The following CCSER1 variants were observed in gnomAD, a reference collection of about 807,000 sequenced individuals.
The protein encoded by CCSER1 is serine-rich coiled-coil domain-containing protein 1.
CCSER1 carries 41 observed loss-of-function variants against 82.0 expected under a neutral mutation model. The ratio of observed to expected loss-of-function variants is 0.50; its 90% CI spans 0.39 to 0.65. The LOEUF is 0.65. Ranked by LOEUF, CCSER1 falls within the 30% of genes least tolerant of loss-of-function variation. The probability of loss-of-function intolerance (pLI) is 0.00; values close to 1 mark genes in which losing one functional copy is unlikely to be tolerated. For synonymous variants in CCSER1, 414 were observed against 383.9 expected (o/e 1.08, Z -0.92); for missense variants, 1,119 against 1,064.2 (o/e 1.05, Z -0.72).
chr4:91,208,346 T>C (rs879592409), intron 10 of CCSER1, among the ~76,000 whole-genome samples: 2 of 151,944 alleles, frequency 1.3e-5, no homozygotes, highest in African/African-American at 2.4e-5. Flanking sequence ...TCTTCCAGGG[T>C]TTTTATACTT....
At chr4:91,254,153 C>A (rs1374229924) in intron 10 of CCSER1, among the ~76,000 whole-genome samples, 5 of 152,090 alleles carry the variant, frequency 3.3e-5, no homozygotes, top group Non-Finnish European at 7.4e-5. Context: ...AAGGATAGAA[C>A]AACCAAACAG....
At chr4:90,320,700 C>T (rs901701567) in intron 3 of CCSER1, among the ~76,000 whole-genome samples, 15 of 152,020 alleles carry the variant, frequency 9.9e-5, no homozygotes, top group African/African-American at 3.4e-4. Flanking sequence ...TTCAGAGTTG[C>T]CTTTAGAAGC....
At chr4:91,437,015 T>C (rs1026672678) in intron 10 of CCSER1, among the ~76,000 whole-genome samples, 2 of 152,222 alleles carry the variant, frequency 1.3e-5, no homozygotes, top group African/African-American at 4.8e-5. Flanking sequence ...GCTGAGATCA[T>C]ATTTGCCTGC....
At chr4:90,779,591 C>T (rs766857090) in intron 7 of CCSER1, among the ~76,000 whole-genome samples, 18 of 152,214 alleles carry the variant, frequency 1.2e-4, no homozygotes, top group Non-Finnish European at 2.2e-4. Context: ...TCACACCAGA[C>T]GTTCCTCATG....
At chr4:90,586,908 C>G (rs972489283) in intron 5 of CCSER1, among the ~76,000 whole-genome samples, 1 of 152,156 alleles carries the variant, frequency 6.6e-6, no homozygotes, top group African/African-American at 2.4e-5. Context: ...CCATCCATGG[C>G]AAAAGAGATT....
At chr4:90,285,336 A>G (rs186751084) in intron 1 of CCSER1, among the ~76,000 whole-genome samples, 2 of 152,118 alleles carry the variant, frequency 1.3e-5, no homozygotes, top group Admixed American at 1.3e-4. Context: ...AATGTTTTAT[A>G]GTTTCCATTG....
At chr4:90,632,456 G>A (rs975276217) in intron 6 of CCSER1, among the ~76,000 whole-genome samples, 1 of 151,690 alleles carries the variant, frequency 6.6e-6, no homozygotes, top group Non-Finnish European at 1.5e-5. Flanking sequence ...GATTATATAT[G>A]TTATGCTATT....
At chr4:90,965,634 A>T (rs564414136) in intron 9 of CCSER1, among the ~76,000 whole-genome samples, 2 of 152,156 alleles carry the variant, frequency 1.3e-5, no homozygotes, top group Admixed American at 1.3e-4. Flanking sequence ...ACTTTTCAGA[A>T]TATTTCATTA....
intron 5 of CCSER1, among the ~76,000 whole-genome samples, chr4:90,548,999 T>C (rs1015952852): frequency 2.0e-5 from 3 of 152,054 alleles, no homozygotes; most frequent in African/African-American, 7.2e-5. Flanking sequence ...CCATGCTGGA[T>C]TGAATAACAA....
At chr4:90,153,761 C>A (rs1727400101) in intron 1 of CCSER1, among the ~76,000 whole-genome samples, 1 of 152,054 alleles carries the variant, frequency 6.6e-6, no homozygotes, top group African/African-American at 2.4e-5. Context: ...TGTTTGAGTT[C>A]ATTGTAGATT....
chr4:90,503,518 C>T (rs940151304), intron 5 of CCSER1, among the ~76,000 whole-genome samples: 27 of 152,040 alleles, frequency 1.8e-4, no homozygotes, highest in African/African-American at 6.5e-4. Context: ...CCCATCAGCT[C>T]GTCATTTAAC....
At chr4:90,699,242 T>A (rs968212346) in intron 6 of CCSER1, among the ~76,000 whole-genome samples, 1 of 151,832 alleles carries the variant, frequency 6.6e-6, no homozygotes, top group African/African-American at 2.4e-5. Flanking sequence ...GGCAGGTGAG[T>A]CACTTGAGGC....
chr4:90,509,309 A>G (rs1057034041), intron 5 of CCSER1, among the ~76,000 whole-genome samples: 1 of 152,172 alleles, frequency 6.6e-6, no homozygotes, highest in Non-Finnish European at 1.5e-5. Flanking sequence ...CTGTTAAAGA[A>G]TAATATTCCA....
chr4:91,301,540 GTA>G (rs71596557), intron 10 of CCSER1, among the ~76,000 whole-genome samples: 17,007 of 146,522 alleles, frequency 0.12, 1,206 homozygotes, highest in African/African-American at 0.19. Flanking sequence ...ATAAAATATA[GTA>G]TATATATATA....
intron 1 of CCSER1, among the ~76,000 whole-genome samples, chr4:90,196,656 T>TACACACAAAC (rs1553955370): frequency 1.4e-5 from 2 of 143,804 alleles, no homozygotes; most frequent in Non-Finnish European, 3.0e-5. Context: ...CCTGCTCAGA[T>TACACACAAAC]ACACACACAC....
chr4:90,288,268 A>G (rs985013699), intron 1 of CCSER1, among the ~76,000 whole-genome samples: 1 of 151,890 alleles, frequency 6.6e-6, no homozygotes, highest in African/African-American at 2.4e-5. Flanking sequence ...CCCTTTACTC[A>G]CACTGCTACT....
intron 10 of CCSER1, among the ~76,000 whole-genome samples, chr4:91,402,675 T>C (rs1752418946): frequency 6.6e-6 from 1 of 152,194 alleles, no homozygotes; most frequent in African/African-American, 2.4e-5. Context: ...TTCTTGTTTT[T>C]CTCAGGTTTG....
chr4:90,461,721 A>G (rs1450711128), intron 4 of CCSER1, among the ~76,000 whole-genome samples: 1 of 152,088 alleles, frequency 6.6e-6, no homozygotes, highest in Non-Finnish European at 1.5e-5. Flanking sequence ...TTTACCAAAG[A>G]TTATTGAGTG....
intron 5 of CCSER1, among the ~76,000 whole-genome samples, chr4:90,607,114 G>C (rs879341019): frequency 3.3e-5 from 5 of 152,104 alleles, no homozygotes; most frequent in Non-Finnish European, 7.4e-5. Flanking sequence ...TATGTATTTA[G>C]TTATGGATGA....
Sources: gnomAD v4.1 joint callset for allele counts (sites outside exome capture counted in the v4.1 genomes callset) on GRCh38, gnomAD v4.1.1 for gene constraint, MANE v1.5 for transcripts, NCBI Gene and HGNC (gene_info 2026-07-23, HGNC 2026-07-21) for gene names.